Variants in KIAA1549L observed in about 807,000 individuals in gnomAD.
KIAA1549L encodes the protein UPF0606 protein KIAA1549L.
A neutral mutation model predicts 160.7 loss-of-function variants in KIAA1549L; 88 were observed. The ratio of observed to expected loss-of-function variants is 0.55; its 90% CI spans 0.46 to 0.65. The LOEUF (loss-of-function observed/expected upper bound fraction) is 0.65, where lower values mean the gene tolerates loss of function less well. Ranked by LOEUF, KIAA1549L falls within the 30% of genes least tolerant of loss-of-function variation. KIAA1549L has a pLI of 0.00. For missense variants in KIAA1549L, 2,258 were observed against 2,437.5 expected (o/e 0.93, Z 1.55); for synonymous variants, 950 against 976.7 (o/e 0.97, Z 0.51).
chr11:33,610,574 C>T (rs1264855617), intron 15 of KIAA1549L, among the ~76,000 whole-genome samples: 2 of 152,170 alleles, frequency 1.3e-5, no homozygotes, highest in African/African-American at 2.4e-5. Context: ...ACAAGACAGT[C>T]CTATTGCTGC....
chr11:33,491,891 A>G (rs1852673880), intron 1 of KIAA1549L, among the ~76,000 whole-genome samples: 1 of 152,226 alleles, frequency 6.6e-6, no homozygotes, highest in Non-Finnish European at 1.5e-5. Context: ...GGTTTCTATC[A>G]AAGTTCAAAT....
At chr11:33,431,142 G>A (rs985645145) in intron 1 of KIAA1549L, among the ~76,000 whole-genome samples, 6 of 152,026 alleles carry the variant, frequency 3.9e-5, no homozygotes, top group Admixed American at 1.3e-4. Context: ...TCGTGGGCTC[G>A]CTGGCTTCAG....
intron 16 of KIAA1549L, among the ~76,000 whole-genome samples, chr11:33,631,812 C>T (rs551293300): frequency 3.3e-5 from 5 of 152,262 alleles, no homozygotes; most frequent in East Asian, 1.9e-4. Context: ...TGCAACTCCT[C>T]GAGGACAGGA....
intron 1 of KIAA1549L, among the ~76,000 whole-genome samples, chr11:33,418,956 G>A (rs1044453872): frequency 1.3e-5 from 2 of 150,890 alleles, no homozygotes; most frequent in African/African-American, 4.9e-5. Flanking sequence ...CTGGAATGTC[G>A]TGGTGTGATC....
chr11:33,573,813 T>A (rs528421085), intron 9 of KIAA1549L, among the ~76,000 whole-genome samples: 1 of 152,334 alleles, frequency 6.6e-6, no homozygotes, highest in Admixed American at 6.5e-5. Flanking sequence ...GTATTAAAAC[T>A]TAAGTTTTAG....
intron 1 of KIAA1549L, among the ~76,000 whole-genome samples, chr11:33,403,815 T>C (rs928842759): frequency 6.6e-6 from 1 of 152,186 alleles, no homozygotes; most frequent in Non-Finnish European, 1.5e-5. Context: ...AGTTCATACT[T>C]TGAAAAAACA....
At chr11:33,458,433 A>C (rs1291634410) in intron 1 of KIAA1549L, among the ~76,000 whole-genome samples, 1 of 152,210 alleles carries the variant, frequency 6.6e-6, no homozygotes, top group Non-Finnish European at 1.5e-5. Context: ...GTCATAGGAG[A>C]TAGAAGGCAG....
intron 1 of KIAA1549L, among the ~76,000 whole-genome samples, chr11:33,397,060 C>T (rs1467357322): frequency 2.6e-5 from 4 of 151,254 alleles, no homozygotes. Context: ...AGGTTGGGCG[C>T]GGTAGCTCAC....
chr11:33,566,884 AG>A (rs1427351236), intron 8 of KIAA1549L, among the ~76,000 whole-genome samples: 2 of 152,250 alleles, frequency 1.3e-5, no homozygotes, highest in Non-Finnish European at 2.9e-5. Flanking sequence ...TTATCTTCCC[AG>A]CCCTTTCAAG....
At chr11:33,637,313 G>A (rs755411226) in intron 16 of KIAA1549L, among the ~76,000 whole-genome samples, 6 of 152,164 alleles carry the variant, frequency 3.9e-5, no homozygotes, top group Non-Finnish European at 8.8e-5. Context: ...TCTGGCCTAG[G>A]TTACGGCCAG....
chr11:33,511,847 G>A (rs1205055116), intron 1 of KIAA1549L, among the ~76,000 whole-genome samples: 10 of 152,158 alleles, frequency 6.6e-5, no homozygotes, highest in Admixed American at 6.5e-4. Context: ...GTAAAATGGG[G>A]GTATTCAGAG....
rs1195514184 is a variant in KIAA1549L at position 33,544,206 on chromosome 11, A to G, written c.2643A>G (p.Arg881=). 7.4e-6 allele frequency: 12 copies of G among 1,614,048 alleles called. No homozygotes were observed. Among genetic ancestry groups the G allele is most frequent in the Non-Finnish European group, 1.0e-5 (12 of 1,179,896 alleles). ...ISSDINSSPE[R]NASTPFQNIL... is the part of the protein sequence containing the mutation. ...GTGACATCAATTCATCACCTGAGAG[A>G]AATGCTTCCACACCATTCCAGAACA... Residue 881 remains arginine, a synonymous_variant, in exon 2 of 21, where the codon AGA becomes AGG. Coordinates refer to ENST00000658780, the MANE Select transcript of KIAA1549L (RefSeq NM_012194.3).
chr11:33,649,338 C>CG (rs1195629780), intron 17 of KIAA1549L, among the ~76,000 whole-genome samples: 3 of 128,462 alleles, frequency 2.3e-5, no homozygotes, highest in Non-Finnish European at 4.8e-5. Context: ...CCTGTCTCTA[C>CG]GGGGGAAAAA....
intron 17 of KIAA1549L, 132 bp from the exon 18 acceptor site, chr11:33,655,880 T>G (rs1029255527): frequency 1.5e-6 from 1 of 654,744 alleles, no homozygotes; most frequent in Non-Finnish European, 2.8e-6. Flanking sequence ...GGGAAGATCT[T>G]AGAAAAAAGT....
At chr11:33,624,298 C>G (rs1451897324) in intron 16 of KIAA1549L, among the ~76,000 whole-genome samples, 1 of 152,208 alleles carries the variant, frequency 6.6e-6, no homozygotes, top group Non-Finnish European at 1.5e-5. Flanking sequence ...GGACTGACAG[C>G]TGGCAGTGTG....
chr11:33,399,237 G>A (rs1850449521), intron 1 of KIAA1549L, among the ~76,000 whole-genome samples: 1 of 152,138 alleles, frequency 6.6e-6, no homozygotes, highest in Non-Finnish European at 1.5e-5. Flanking sequence ...ACAGGTGTGA[G>A]TCACCACGCC....
chr11:33,462,524 T>A (rs1378915157), intron 1 of KIAA1549L, among the ~76,000 whole-genome samples: 2 of 152,212 alleles, frequency 1.3e-5, no homozygotes, highest in Non-Finnish European at 2.9e-5. Flanking sequence ...ATTCAACCTG[T>A]GTCTATCTTT....
intron 14 of KIAA1549L, among the ~76,000 whole-genome samples, chr11:33,608,237 C>G (rs1370130516): frequency 1.3e-5 from 2 of 152,206 alleles, no homozygotes; most frequent in Non-Finnish European, 2.9e-5. Context: ...CTGTGAAGAT[C>G]AAATTGTTTA....
At chr11:33,460,366 T>C (rs1446248548) in intron 1 of KIAA1549L, among the ~76,000 whole-genome samples, 3 of 152,178 alleles carry the variant, frequency 2.0e-5, no homozygotes, top group Non-Finnish European at 4.4e-5. Flanking sequence ...AATCCATCCC[T>C]ATGCAATAGT....
Sources: gnomAD v4.1 joint callset for allele counts (sites outside exome capture counted in the v4.1 genomes callset) on GRCh38, gnomAD v4.1.1 for gene constraint, MANE v1.5 for transcripts, NCBI Gene and HGNC (gene_info 2026-07-23, HGNC 2026-07-21) for gene names.